KCNQ1: variants seen among roughly 807,000 people sequenced by gnomAD.
The protein encoded by KCNQ1 is potassium voltage-gated channel subfamily Q member 1.
Under a neutral mutation model 72.4 loss-of-function variants are expected in KCNQ1, and 49 were observed. The observed-to-expected ratio is 0.68, with a 90% confidence interval of 0.54 to 0.86. The LOEUF is 0.86. Ranked by LOEUF, KCNQ1 falls within the 40% of genes least tolerant of loss-of-function variation. The pLI, the probability that KCNQ1 is intolerant of heterozygous loss-of-function variation, is 0.00. For synonymous variants in KCNQ1, 450 were observed against 412.6 expected (o/e 1.09, Z -1.10); for missense variants, 790 against 945.1 (o/e 0.84, Z 2.15).
At chr11:2,534,176 C>T (rs1307621134) in intron 2 of KCNQ1, among the ~76,000 whole-genome samples, 7 of 152,186 alleles carry the variant, frequency 4.6e-5, no homozygotes, top group Non-Finnish European at 1.0e-4. Context: ...TCTGGGCCTC[C>T]GTGACGGCCC....
chr11:2,624,394 T>A lies in KCNQ1; in HGVS notation c.1393+35540T>A. On this transcript the variant is annotated intron_variant, in intron 10 of 15. Coordinates refer to ENST00000155840, the MANE Select transcript of KCNQ1 (RefSeq NM_000218.3). This position sits in a 1 kb window ranked among gnomAD's most constrained non-coding sequence, Gnocchi z 4.9. ...CCTTTCATCCTCTTGACAGTATGTT[T>A]TACAGAGCAGAAACTTTTATTTTTA... is the stretch of plus-strand genomic sequence containing the variant. 6 of 398,538 alleles carry A rather than the reference T, an allele frequency of 1.5e-5. No homozygotes were observed. Among genetic ancestry groups the A allele is most frequent in the Non-Finnish European group, 2.7e-5 (6 of 226,026 alleles). 24.7% of individuals were successfully genotyped at this position (398,538 alleles called of 1,614,324 possible).
chr11:2,663,992 C>T lies in KCNQ1; in HGVS notation c.1514+1911C>T. 2.5e-6 allele frequency: 1 copy of T among 398,750 alleles called. No individual in the cohort carries two copies. The highest frequency in any genetic ancestry group is 3.6e-5 in the East Asian group (1 of 28,074). The allele number at this position is 398,750 out of a possible 1,614,324, so 24.7% of individuals were successfully genotyped here. A position where few individuals can be genotyped will look rare whatever the true frequency, so the allele number is the denominator to read the frequency against. ...CATCCATCCCCAAGCTCTCTGCCCA[C>T]TTTGGGTCTGGCACATTACCATTCT... On this transcript the variant is annotated intron_variant, in intron 11 of 15. Coordinates refer to ENST00000155840, the MANE Select transcript of KCNQ1 (RefSeq NM_000218.3). This position sits in a 1 kb window ranked among gnomAD's most constrained non-coding sequence, Gnocchi z 5.2.
intron 11 of KCNQ1, among the ~76,000 whole-genome samples, chr11:2,728,455 GTGACA>G (rs777112013): frequency 1.3e-5 from 2 of 152,258 alleles, no homozygotes; most frequent in East Asian, 1.9e-4. Context: ...TTGGTGCTTG[GTGACA>G]AGAGCTAGGC....
chr11:2,482,846 G>A lies in KCNQ1; in HGVS notation c.386+37362G>A, dbSNP rs1846674454. On this transcript the variant is annotated intron_variant, in intron 1 of 15. Transcript: ENST00000155840. The surrounding 1 kb of genome is among the most constrained non-coding windows in gnomAD (Gnocchi z 5.7). ...CTGCAGCAGCAAGACTGTCATCTAG[G>A]TTGTTGGGGAAACCAGGAGTGAGTG... Among the ~76,000 whole-genome samples the A allele has an allele frequency of 6.6e-6, 1 of 150,850 alleles. No homozygotes were observed. Among genetic ancestry groups the A allele is most frequent in the African/African-American group, 2.5e-5 (1 of 40,242 alleles).
At chr11:2,632,182 C>CAAAAAAAAAAAAAA (rs34998500) in intron 10 of KCNQ1, 1 of 258,774 alleles carries the variant, frequency 3.9e-6, no homozygotes. Context: ...GACTCTGCCT[C>CAAAAAAAAAAAAAA]AAAAAAAAAA....
At chr11:2,510,867 C>T (rs1478276324) in intron 1 of KCNQ1, among the ~76,000 whole-genome samples, 1 of 152,186 alleles carries the variant, frequency 6.6e-6, no homozygotes, top group Non-Finnish European at 1.5e-5. Flanking sequence ...CACTCTGCTC[C>T]CCTGGCCCAG....
intron 10 of KCNQ1, chr11:2,633,125 A>G (rs1054118743): frequency 3.0e-5 from 12 of 398,346 alleles, no homozygotes; most frequent in African/African-American, 2.5e-4. Context: ...AGGTGAAATA[A>G]TGTCTCACTG....
At chr11:2,655,463 G>A (rs887260046) in intron 10 of KCNQ1, 15 of 398,564 alleles carry the variant, frequency 3.8e-5, no homozygotes, top group African/African-American at 6.2e-5. Context: ...ACCTGGCATT[G>A]CTCCGGTACC....
chr11:2,507,851 C>T lies in KCNQ1; in HGVS notation c.387-20077C>T, dbSNP rs571264183. 2.6e-5 allele frequency among the ~76,000 whole-genome samples: 4 copies of T among 152,038 alleles called. No individual in the cohort carries two copies. Among genetic ancestry groups the T allele is most frequent in the East Asian group, 1.9e-4 (1 of 5,180 alleles). The stretch of plus-strand genomic sequence containing the variant: ...AGGCTGAGGGCAAGGAAGGCAAGTC[C>T]GGGAGGTTGGGTGTCCTGCAGCCTC... On this transcript the variant is annotated intron_variant, in intron 1 of 15. Coordinates refer to ENST00000155840, the MANE Select transcript of KCNQ1 (RefSeq NM_000218.3). This position sits in a 1 kb window ranked among gnomAD's most constrained non-coding sequence, Gnocchi z 5.4.
In KCNQ1 at chr11:2,668,506, A is replaced by G. The variant is rs1850124000; in HGVS notation, c.1514+6425A>G. ...GCCATGATGGTGAATGTCTAGCAGC[A>G]TCAAATGGTGATTTTAATTTGCAGT... On this transcript the variant is annotated intron_variant, in intron 11 of 15. Coordinates refer to ENST00000155840, the MANE Select transcript of KCNQ1 (RefSeq NM_000218.3). This position sits in a 1 kb window ranked among gnomAD's most constrained non-coding sequence, Gnocchi z 4.3. 5.0e-6 allele frequency: 2 copies of G among 398,660 alleles called. No homozygotes were observed. The highest frequency in any genetic ancestry group is 8.8e-6 in the Non-Finnish European group (2 of 226,072). The allele number at this position is 398,660 out of a possible 1,614,324, so 24.7% of individuals were successfully genotyped here. A position where few individuals can be genotyped will look rare whatever the true frequency, so the allele number is the denominator to read the frequency against.
Position 2,508,298 on chromosome 11 carries a change from C to T in KCNQ1, c.387-19630C>T, listed in dbSNP as rs553078135. ...CTGGCTTGTCTGACTTGCCGTTACC[C>T]GGCGGAGATATGTCTTGGAAAGACT... On this transcript the variant is annotated intron_variant, in intron 1 of 15. Coordinates refer to ENST00000155840, the MANE Select transcript of KCNQ1 (RefSeq NM_000218.3). The surrounding 1 kb of genome is among the most constrained non-coding windows in gnomAD (Gnocchi z 6.2). Among the ~76,000 whole-genome samples the T allele has an allele frequency of 1.3e-4, 20 of 152,308 alleles. No individual in the cohort carries two copies. The highest frequency in any genetic ancestry group is 1.6e-4 in the Non-Finnish European group (11 of 68,022).
Position 2,662,005 on chromosome 11 carries a change from A to G in KCNQ1, c.1438A>G (p.Met480Val). 6.2e-7 allele frequency: 1 copy of G among 1,614,218 alleles called. No individual in the cohort carries two copies. Among genetic ancestry groups the G allele is most frequent in the African/African-American group, 1.3e-5 (1 of 75,058 alleles). The change falls in exon 11 of 16, where the codon ATG (methionine) becomes GTG (valine). Residue 480 changes from methionine to valine, a missense_variant. Transcript: ENST00000155840. ...GCTGGAAGTGAGCATGCCCCATTTC[A>G]TGAGAACCAACAGCTTCGCCGAGGA... is the stretch of plus-strand genomic sequence containing the variant. The part of the protein sequence containing the change: ...TLLEVSMPHF[M>V]RTNSFAEDLD...
chr11:2,652,089 G>A lies in KCNQ1; in HGVS notation c.1394-9872G>A, dbSNP rs908789717. On this transcript the variant is annotated intron_variant, in intron 10 of 15. Coordinates refer to ENST00000155840, the MANE Select transcript of KCNQ1 (RefSeq NM_000218.3). The surrounding 1 kb of genome is among the most constrained non-coding windows in gnomAD (Gnocchi z 5.9). ...TTTGAGAAGCTATGGGGAGCCTCTC[G>A]GCCCCAGTTCTGGCCTGGCTGGGAG... 2.5e-5 allele frequency: 10 copies of A among 398,518 alleles called. No homozygotes were observed. The highest frequency in any genetic ancestry group is 1.0e-4 in the African/African-American group (5 of 48,630). 24.7% of individuals were successfully genotyped at this position (398,518 alleles called of 1,614,324 possible).
Position 2,509,381 on chromosome 11 carries a change from C to T in KCNQ1, c.387-18547C>T, listed in dbSNP as rs551124601. On this transcript the variant is annotated intron_variant, in intron 1 of 15. Transcript: ENST00000155840. This position sits in a 1 kb window ranked among gnomAD's most constrained non-coding sequence, Gnocchi z 6.3. ...CCCTTGCCTGGCAAACCCCATCTTCCTGTCCAAAGCCAGACTTGGCTCCCT... is the reference window on the plus strand; with the variant it reads ...CCCTTGCCTGGCAAACCCCATCTTCTTGTCCAAAGCCAGACTTGGCTCCCT... Among the ~76,000 whole-genome samples the T allele has an allele frequency of 6.6e-6, 1 of 152,284 alleles. No homozygotes were observed. Among genetic ancestry groups the T allele is most frequent in the African/African-American group, 2.4e-5 (1 of 41,548 alleles).
chr11:2,618,128 T>C (rs897091409), intron 10 of KCNQ1: 3 of 398,412 alleles, frequency 7.5e-6, no homozygotes, highest in African/African-American at 6.2e-5. Context: ...TTTTCCCCTA[T>C]GTTTTCTTCT....
intron 11 of KCNQ1, among the ~76,000 whole-genome samples, chr11:2,707,271 G>A (rs923714676): frequency 1.3e-5 from 2 of 152,216 alleles, no homozygotes; most frequent in African/African-American, 4.8e-5. Context: ...GCCTGTGCCA[G>A]AAGCAGGGAT....
rs529153535 is a variant in KCNQ1, at chr11:2,517,109, G to A, written c.387-10819G>A. Among the ~76,000 whole-genome samples the A allele has an allele frequency of 2.6e-4, 39 of 152,304 alleles. 1 individual carries two copies. In the East Asian group the frequency reaches 5.4e-3, roughly 21 times the overall value. On this transcript the variant is annotated intron_variant, in intron 1 of 15. Transcript: ENST00000155840. ...TGAGGTGTGGTCGAGGGCCCTGGGCGTCCGGGTGAGATGGGAATGAGCCCT... is the reference window on the plus strand; with the variant it reads ...TGAGGTGTGGTCGAGGGCCCTGGGCATCCGGGTGAGATGGGAATGAGCCCT...
At position 2,451,671 on chromosome 11, in the gene KCNQ1, T is replaced by G. The variant is rs1011063779; in HGVS notation, c.386+6187T>G. On this transcript the variant is annotated intron_variant, in intron 1 of 15. Coordinates refer to ENST00000155840, the MANE Select transcript of KCNQ1 (RefSeq NM_000218.3). This position sits in a 1 kb window ranked among gnomAD's most constrained non-coding sequence, Gnocchi z 6.4. ...CTGCCTGGCCGCCTCTGGCAGGAAC[T>G]TCTCCTGATGGAAGAGCCGGGCTGG... Among the ~76,000 whole-genome samples the G allele has an allele frequency of 2.0e-5, 3 of 152,146 alleles. No homozygotes were observed. Among genetic ancestry groups the G allele is most frequent in the African/African-American group, 7.2e-5 (3 of 41,442 alleles).
At chr11:2,527,003 G>A (rs1329740537) in intron 1 of KCNQ1, among the ~76,000 whole-genome samples, 1 of 152,150 alleles carries the variant, frequency 6.6e-6, no homozygotes, top group East Asian at 1.9e-4. Context: ...CGGAGCCCGT[G>A]GGAATCCCCC....
Sources: allele counts gnomAD v4.1 joint callset (sites outside exome capture counted in the v4.1 genomes callset), GRCh38; gene constraint gnomAD v4.1.1; non-coding constraint Gnocchi (gnomAD v3.1); transcripts MANE v1.5; gene names NCBI Gene and HGNC (gene_info 2026-07-23, HGNC 2026-07-21).